The following IFT140 variants were observed in gnomAD, a reference collection of about 807,000 sequenced individuals.
The protein encoded by IFT140 is intraflagellar transport 140.
IFT140 carries 133 observed loss-of-function variants against 164.6 expected under a neutral mutation model. The ratio of observed to expected loss-of-function variants is 0.81; its 90% CI spans 0.70 to 0.93. IFT140 has a LOEUF of 0.93. IFT140 is among the 40% of genes least tolerant of loss of function. The pLI, the probability that IFT140 is intolerant of heterozygous loss-of-function variation, is 0.00. For missense variants in IFT140, 2,045 were observed against 1,972.3 expected (o/e 1.04, Z -0.70); for synonymous variants, 860 against 817.3 (o/e 1.05, Z -0.89).
chr16:1,568,391 G>A (rs571544428), intron 14 of IFT140, 57 bp from the exon 15 acceptor site: 44 of 1,372,228 alleles, frequency 3.2e-5, no homozygotes, highest in South Asian at 2.0e-4. Flanking sequence ...CCAATTCTCC[G>A]CCCACCCTGA....
intron 6 of IFT140, among the ~76,000 whole-genome samples, chr16:1,591,962 T>C (rs2035203382): frequency 2.0e-5 from 3 of 152,198 alleles, no homozygotes; most frequent in Non-Finnish European, 4.4e-5. Flanking sequence ...ACTCAACTTG[T>C]CTATCAGAAC....
chr16:1,539,470 G>A (rs1018379509), intron 19 of IFT140, among the ~76,000 whole-genome samples: 2 of 152,374 alleles, frequency 1.3e-5, no homozygotes, highest in East Asian at 1.9e-4. Context: ...CTGGCCCCAC[G>A]GCCACCTATG....
At position 1,542,103 on chromosome 16, in the gene IFT140, C is replaced by A. The variant is rs553449841; in HGVS notation, c.2400-15307G>T. 27 of 1,560,744 alleles carry A rather than the reference C, an allele frequency of 1.7e-5. No homozygotes were observed. In the African/African-American group the frequency reaches 2.4e-4, roughly 14 times the overall value. On this transcript the variant is annotated intron_variant, in intron 19 of 30. Transcript: ENST00000426508. Reference sequence around the variant, plus strand: ...TAAGTACCTGGGCGGGTGTGGCCACCGCGCCCTTGCCCCCTGTGGCCTTCT... The same window carrying A: ...TAAGTACCTGGGCGGGTGTGGCCACAGCGCCCTTGCCCCCTGTGGCCTTCT...
At chr16:1,534,740 T>C (rs2030893590) in intron 19 of IFT140, among the ~76,000 whole-genome samples, 2 of 150,806 alleles carry the variant, frequency 1.3e-5, no homozygotes, top group African/African-American at 4.8e-5. Flanking sequence ...AGGCCCCCTC[T>C]CCCTGGTGAG....
At chr16:1,546,486 G>A (rs770071858) in intron 19 of IFT140, among the ~76,000 whole-genome samples, 5 of 152,178 alleles carry the variant, frequency 3.3e-5, no homozygotes, top group Non-Finnish European at 5.9e-5. Context: ...CCACTCCAGC[G>A]CACAGATGTG....
At position 1,520,750 on chromosome 16, in the gene IFT140, G is replaced by A. The variant is rs1158940284; in HGVS notation, c.3512C>T (p.Ala1171Val). The A allele has an allele frequency of 7.5e-6, 12 of 1,609,812 alleles. No homozygotes were observed. The highest frequency in any genetic ancestry group is 7.6e-6 in the Non-Finnish European group (9 of 1,179,976). Residue 1171 changes from alanine to valine, a missense_variant, in exon 27 of 31, where the codon GCG becomes GTG. Transcript: ENST00000426508. Reference protein sequence around the residue: ...GQNMSITEEMAEKMTVAKDSS... With the variant: ...GQNMSITEEMVEKMTVAKDSS... ...GTCCTTGGCCACGGTCATCTTTTCC[G>A]CCATCTCCTCGGTGATGCTCATGTT...
intron 13 of IFT140, among the ~76,000 whole-genome samples, chr16:1,578,640 G>C (rs1263865768): frequency 6.6e-6 from 1 of 151,772 alleles, no homozygotes; most frequent in Non-Finnish European, 1.5e-5. Context: ...CCAGCACTTT[G>C]GGAGGCAAAG....
intron 16 of IFT140, among the ~76,000 whole-genome samples, chr16:1,565,406 T>C (rs1422972834): frequency 6.6e-6 from 1 of 150,950 alleles, no homozygotes; most frequent in Non-Finnish European, 1.5e-5. Flanking sequence ...GAAAGAAGGT[T>C]CCAGCACTGG....
intron 19 of IFT140, among the ~76,000 whole-genome samples, chr16:1,550,768 G>A (rs535127253): frequency 1.3e-5 from 2 of 152,346 alleles, no homozygotes; most frequent in South Asian, 2.1e-4. Context: ...ACCCTCTGGG[G>A]ACACAGAGAT....
At chr16:1,584,046 T>C (rs1321316574) in intron 11 of IFT140, among the ~76,000 whole-genome samples, 171 bp downstream of exon 11, 3 of 152,182 alleles carry the variant, frequency 2.0e-5, no homozygotes, top group African/African-American at 7.2e-5. Context: ...ATATTCTTAT[T>C]ACGATTTTCT....
chr16:1,529,290 C>T (rs987687723), intron 19 of IFT140, among the ~76,000 whole-genome samples: 9 of 152,218 alleles, frequency 5.9e-5, no homozygotes, highest in Admixed American at 1.3e-4. Context: ...TCCAAACCCA[C>T]GGGCCAGGCC....
At chr16:1,594,226 GTT>G (rs57833692) in intron 4 of IFT140, among the ~76,000 whole-genome samples, 3 of 144,454 alleles carry the variant, frequency 2.1e-5, no homozygotes, top group Admixed American at 6.9e-5. Context: ...AAAGTTTTTT[GTT>G]TTTTTTTTTT....
chr16:1,571,226 AC>A (rs1302257738), intron 14 of IFT140, among the ~76,000 whole-genome samples, 180 bp downstream of exon 14: 2 of 152,196 alleles, frequency 1.3e-5, no homozygotes, highest in Non-Finnish European at 2.9e-5. Flanking sequence ...ACACGGCTCC[AC>A]CACCAGGCAA....
chr16:1,601,253 G>A lies in IFT140; in HGVS notation c.369+1117C>T, dbSNP rs867050051. On this transcript the variant is annotated intron_variant, in intron 4 of 30. Transcript: ENST00000426508. Reference sequence around the variant, plus strand: ...CACTCTAGCCTGGGCGACAGAGCAAGATTCCATCACAAAAAAAAAAAAAAA... The same window carrying A: ...CACTCTAGCCTGGGCGACAGAGCAAAATTCCATCACAAAAAAAAAAAAAAA... Among the ~76,000 whole-genome samples the A allele has an allele frequency of 7.1e-4, 98 of 138,354 alleles. 3 individuals are homozygous for A. Among genetic ancestry groups the A allele is most frequent in the South Asian group, 6.4e-3 (28 of 4,384 alleles). The allele number at this position is 138,354 out of a possible 152,430, so 90.8% of individuals were successfully genotyped here. A position where few individuals can be genotyped will look rare whatever the true frequency, so the allele number is the denominator to read the frequency against.
rs778916845 is a variant in IFT140 at position 1,525,944 on chromosome 16, T to C, written c.2711A>G (p.Tyr904Cys). Reference sequence around the variant, plus strand: ...CTCCAGGTGCCCGGCATAGCGGTGGTAGGTGCTGCGCAGGTGCACGCGATC... The same window carrying C: ...CTCCAGGTGCCCGGCATAGCGGTGGCAGGTGCTGCGCAGGTGCACGCGATC... ...HHDRVHLRST[Y>C]HRYAGHLEAS... Residue 904 changes from tyrosine (Y) to cysteine (C), a missense_variant, in exon 21 of 31, where the codon TAC (tyrosine) becomes TGC (cysteine). By Grantham distance (194) the Tyr-to-Cys change is radical. Coordinates refer to ENST00000426508, the MANE Select transcript of IFT140 (RefSeq NM_014714.4). 4 of 1,577,592 alleles carry C rather than the reference T, an allele frequency of 2.5e-6. No homozygotes were observed. In the South Asian group the frequency reaches 3.5e-5, roughly 14 times the overall value.
rs112565100 is a variant in IFT140, at chr16:1,592,659, T to C, written c.370-71A>G. ...GCGACTGGTGGAGGGACAGGTGTCC[T>C]GGCAGAGCGACTGGTGGTGGGACAG... On this transcript the variant is annotated intron_variant, in intron 4 of 30. Coordinates refer to ENST00000426508, the MANE Select transcript of IFT140 (RefSeq NM_014714.4). 97,339 of 1,364,588 alleles carry C rather than the reference T, an allele frequency of 0.071. 9,319 individuals are homozygous for C. The highest frequency in any genetic ancestry group is 0.29 in the Admixed American group (14,312 of 50,150). The allele number at this position is 1,364,588 out of a possible 1,614,324, so 84.5% of individuals were successfully genotyped here.
In IFT140 at chr16:1,524,584, G is replaced by A. The variant is rs774547622; in HGVS notation, c.3109C>T (p.Gln1037Ter). The change falls in exon 24 of 31, where the codon CAG (glutamine) becomes TAG (stop). Residue 1037 changes from glutamine (Q) to a stop codon, truncating the protein, a stop_gained. Coordinates refer to ENST00000426508, the MANE Select transcript of IFT140 (RefSeq NM_014714.4). LOFTEE classifies it high-confidence loss of function. The part of the protein sequence containing the change: ...GQAVHFYTRA[Q>*]AFKNAIRLCK... ...AGGCGGATGGCATTCTTGAAGGCCT[G>A]TGCCCGGGTGTAGAAGTGCACCGCC... The A allele has an allele frequency of 6.2e-7, 1 of 1,611,342 alleles. No individual in the cohort carries two copies. The highest frequency in any genetic ancestry group is 1.1e-5 in the South Asian group (1 of 90,910).
rs1294633958 is a variant in IFT140 at position 1,527,142 on chromosome 16, A to C, written c.2400-346T>G. On this transcript the variant is annotated intron_variant, in intron 19 of 30. Coordinates refer to ENST00000426508, the MANE Select transcript of IFT140 (RefSeq NM_014714.4). ...TTCCTGTGTTGCTTGCACACACAGG[A>C]CCTGCTCTGAGACAAAGCCTCCTGC... The C allele has an allele frequency of 1.0e-5, 3 of 300,598 alleles. No homozygotes were observed. The East Asian group carries it at 1.7e-4, about 17-fold the overall frequency. 18.6% of individuals were successfully genotyped at this position (300,598 alleles called of 1,614,324 possible).
At position 1,587,950 on chromosome 16, in the gene IFT140, G is replaced by C; in HGVS notation, c.885C>G (p.Val295=). ...LIEGSLLVMA[V]GEAALRFWDI... ...ACTCTCACCTGAGGGCAGCCTCCCC[G>C]ACGGCCATCACGAGAAGGCTGCCTT... Residue 295 remains valine, a synonymous_variant, in exon 8 of 31, where the codon GTC becomes GTG. Coordinates refer to ENST00000426508, the MANE Select transcript of IFT140 (RefSeq NM_014714.4). The C allele has an allele frequency of 6.2e-7, 1 of 1,612,536 alleles. No homozygotes were observed. Among genetic ancestry groups the C allele is most frequent in the Non-Finnish European group, 8.5e-7 (1 of 1,179,294 alleles).
Sources: allele counts gnomAD v4.1 joint callset (sites outside exome capture counted in the v4.1 genomes callset), GRCh38; gene constraint gnomAD v4.1.1; transcripts MANE v1.5; gene names NCBI Gene and HGNC (gene_info 2026-07-23, HGNC 2026-07-21).